TUSC3: variants seen among roughly 807,000 people sequenced by gnomAD.
TUSC3 encodes dolichyl-diphosphooligosaccharide--protein glycosyltransferase subunit TUSC3.
TUSC3 carries 45 observed loss-of-function variants against 44.8 expected under a neutral mutation model. That is an observed-to-expected ratio of 1.00 (90% confidence interval 0.79 to 1.29). TUSC3 has a LOEUF of 1.29. Among genes scored for constraint, TUSC3 ranks in the 50% most tolerant of loss-of-function variants. The pLI, the probability that TUSC3 is intolerant of heterozygous loss-of-function variation, is 0.00. For missense variants in TUSC3, 519 were observed against 437.9 expected (o/e 1.19, Z -1.65); for synonymous variants, 212 against 152.9 (o/e 1.39, Z -2.85).
chr8:15,635,962 A>G (rs1563146013), intron 2 of TUSC3, among the ~76,000 whole-genome samples: 1 of 152,180 alleles, frequency 6.6e-6, no homozygotes, highest in Non-Finnish European at 1.5e-5. Context: ...TTCAAAAGAT[A>G]GATGTTTCAA....
chr8:15,422,624 T>C (rs1799750996), intron 1 of TUSC3, among the ~76,000 whole-genome samples: 1 of 152,104 alleles, frequency 6.6e-6, no homozygotes, highest in Non-Finnish European at 1.5e-5. Flanking sequence ...GTAATGCATC[T>C]AGTTTTTGGT....
At chr8:15,505,956 A>G (rs1241583017) in intron 2 of TUSC3, among the ~76,000 whole-genome samples, 2 of 152,168 alleles carry the variant, frequency 1.3e-5, no homozygotes, top group African/African-American at 4.8e-5. Context: ...TGATTAGGCT[A>G]AAAGCAATTT....
intron 1 of TUSC3, among the ~76,000 whole-genome samples, chr8:15,430,459 A>C (rs7828424): frequency 2.0e-5 from 3 of 148,512 alleles, no homozygotes; most frequent in African/African-American, 5.0e-5. Flanking sequence ...CAATAAATTA[A>C]GTATTGATGG....
chr8:15,661,806 A>C (rs898896259), intron 4 of TUSC3, among the ~76,000 whole-genome samples: 9 of 150,796 alleles, frequency 6.0e-5, no homozygotes, highest in East Asian at 1.9e-4. Context: ...GTTTGTCTAT[A>C]TATATATATA....
At chr8:15,772,546 C>T in the TUSC3 span, among the ~76,000 whole-genome samples, 3 of 152,216 alleles carry the variant, frequency 2.0e-5, no homozygotes, top group East Asian at 5.8e-4. Flanking sequence ...TAAAGGAAAA[C>T]CCAAGACCAG....
At chr8:15,831,370 C>A in the TUSC3 span, among the ~76,000 whole-genome samples, 4 of 152,154 alleles carry the variant, frequency 2.6e-5, no homozygotes, top group Non-Finnish European at 4.4e-5. Context: ...TGCAAGAACT[C>A]TGACAATTCC....
At chr8:15,434,960 A>G (rs1392150541) in intron 1 of TUSC3, among the ~76,000 whole-genome samples, 22 of 149,870 alleles carry the variant, frequency 1.5e-4, no homozygotes, top group South Asian at 2.2e-4. Flanking sequence ...GTTGGTTCCA[A>G]GTCTTTGCTG....
At chr8:15,590,597 C>G (rs940861821) in intron 1 of TUSC3, among the ~76,000 whole-genome samples, 12 of 151,808 alleles carry the variant, frequency 7.9e-5, no homozygotes, top group African/African-American at 2.2e-4. Context: ...CCATGTTGCT[C>G]TATGTGGGGG....
At chr8:15,554,212 A>G (rs1485825590) in intron 1 of TUSC3, among the ~76,000 whole-genome samples, 1 of 151,720 alleles carries the variant, frequency 6.6e-6, no homozygotes, top group Non-Finnish European at 1.5e-5. Context: ...TCAACATAAG[A>G]ATTTTGTGGG....
intron 6 of TUSC3, among the ~76,000 whole-genome samples, chr8:15,692,369 C>CG (rs1563175827): frequency 1.9e-5 from 1 of 52,582 alleles, no homozygotes; most frequent in South Asian, 7.5e-4. Context: ...CCCCCCCCCC[C>CG]CCTTTGTTTT....
At chr8:15,537,568 C>G (rs1178719493), upstream of TUSC3, among the ~76,000 whole-genome samples, 1 of 152,142 alleles carries the variant, frequency 6.6e-6, no homozygotes, top group Admixed American at 6.5e-5. Flanking sequence ...GGAGGGTCAA[C>G]TGATAATGAC....
intron 2 of TUSC3, among the ~76,000 whole-genome samples, chr8:15,503,396 G>T (rs937009787): frequency 6.6e-6 from 1 of 152,050 alleles, no homozygotes; most frequent in Admixed American, 6.6e-5. Context: ...TGGCAGCCCT[G>T]GAAAACTAAT....
intron 1 of TUSC3, 139 bp from the exon 2 acceptor site, chr8:15,622,941 A>C (rs1170226747): frequency 1.4e-5 from 12 of 880,868 alleles, no homozygotes; most frequent in Non-Finnish European, 1.9e-5. Context: ...TTCTAGGAGC[A>C]GAAATATGGT....
At chr8:15,567,181 T>A (rs1802708999) in intron 1 of TUSC3, among the ~76,000 whole-genome samples, 1 of 152,160 alleles carries the variant, frequency 6.6e-6, no homozygotes, top group South Asian at 2.1e-4. Flanking sequence ...CATTTTATCA[T>A]TCCTTTTAAT....
At chr8:15,831,135 C>G in the TUSC3 span, among the ~76,000 whole-genome samples, 2 of 152,110 alleles carry the variant, frequency 1.3e-5, no homozygotes, top group Admixed American at 6.6e-5. Flanking sequence ...AAAGATGGAG[C>G]GCAAAACAAG....
the TUSC3 span, among the ~76,000 whole-genome samples, chr8:15,836,413 G>GT: frequency 1.4e-3 from 217 of 151,110 alleles, no homozygotes; most frequent in African/African-American, 5.0e-3. Context: ...GGAGGTGGAG[G>GT]TTGCAGTGAG....
the TUSC3 span, among the ~76,000 whole-genome samples, chr8:15,851,869 T>C: frequency 1.5e-3 from 228 of 152,292 alleles, 1 homozygote; most frequent in Middle Eastern, 6.8e-3. Context: ...CAGTGGGAGA[T>C]AACTGAATCA....
Position 15,763,479 on chromosome 8 carries a change from C to T in TUSC3, c.*47-724C>T, listed in dbSNP as rs1247621024. Reference sequence around the variant, plus strand: ...TATATTTAATTAAAAATTGGTTTGTCTCTGGTTGCCTTGCAAAGTTGTCTT... The same window carrying T: ...TATATTTAATTAAAAATTGGTTTGTTTCTGGTTGCCTTGCAAAGTTGTCTT... On this transcript the variant is annotated intron_variant, in intron 10 of 10. Transcript: ENST00000503731. Among the ~76,000 whole-genome samples, 3 of 151,082 alleles carry T rather than the reference C, an allele frequency of 2.0e-5. No homozygotes were observed. In the East Asian group the frequency reaches 5.9e-4, roughly 29 times the overall value.
In TUSC3 at chr8:15,572,117, C is replaced by T. The variant is rs1173352635; in HGVS notation, c.138+31549C>T. Among the ~76,000 whole-genome samples the T allele has an allele frequency of 3.3e-5, 5 of 152,170 alleles. 1 individual carries two copies. The highest frequency in any genetic ancestry group is 7.3e-5 in the Non-Finnish European group (5 of 68,028). On this transcript the variant is annotated intron_variant, in intron 1 of 10. Coordinates refer to ENST00000503731, the MANE Select transcript of TUSC3 (RefSeq NM_006765.4). The stretch of plus-strand genomic sequence containing the variant: ...CCTGTCCTTTCAAACCAGGCATCGA[C>T]TTCTCTCTAGCCATGGCATCGCCTT...
Sources: allele counts gnomAD v4.1 joint callset (sites outside exome capture counted in the v4.1 genomes callset), GRCh38; gene constraint gnomAD v4.1.1; transcripts MANE v1.5; gene names NCBI Gene and HGNC (gene_info 2026-07-23, HGNC 2026-07-21).